Variants in GRM7 observed in about 807,000 individuals in gnomAD.
The protein encoded by GRM7 is metabotropic glutamate receptor 7.
A neutral mutation model predicts 84.5 loss-of-function variants in GRM7; 35 were observed. That is an observed-to-expected ratio of 0.41 (90% CI 0.32 to 0.55). The LOEUF (loss-of-function observed/expected upper bound fraction) is 0.55, where lower values mean the gene tolerates loss of function less well. Ranked by LOEUF, GRM7 falls within the 20% of genes least tolerant of loss-of-function variation. The pLI is 0.19. For missense variants in GRM7, 1,003 were observed against 1,194.6 expected (o/e 0.84, Z 2.36); for synonymous variants, 487 against 455.1 (o/e 1.07, Z -0.89).
At chr3:7,714,544 T>C (rs1701707632) in intron 9 of GRM7, among the ~76,000 whole-genome samples, 2 of 152,198 alleles carry the variant, frequency 1.3e-5, no homozygotes, top group African/African-American at 4.8e-5. Context: ...TTAGGTTCCA[T>C]TGCAGATTGA....
At chr3:7,051,497 A>C (rs992994665) in intron 1 of GRM7, among the ~76,000 whole-genome samples, 1 of 151,838 alleles carries the variant, frequency 6.6e-6, no homozygotes, top group Non-Finnish European at 1.5e-5. Flanking sequence ...TCTCCAGTCT[A>C]AAGAGACTCT....
At chr3:7,468,999 C>G (rs1396816874) in intron 7 of GRM7, among the ~76,000 whole-genome samples, 1 of 152,186 alleles carries the variant, frequency 6.6e-6, no homozygotes, top group Non-Finnish European at 1.5e-5. Flanking sequence ...CTCAAAACGT[C>G]AATTACTAGC....
intron 8 of GRM7, among the ~76,000 whole-genome samples, chr3:7,675,077 G>C (rs552709820): frequency 1.2e-3 from 176 of 152,290 alleles, no homozygotes; most frequent in African/African-American, 4.0e-3. Flanking sequence ...ATAGATAAAA[G>C]TGGTGATTCA....
chr3:6,982,939 C>T (rs1029978417), intron 1 of GRM7, among the ~76,000 whole-genome samples: 2 of 152,166 alleles, frequency 1.3e-5, no homozygotes, highest in Non-Finnish European at 2.9e-5. Flanking sequence ...CTATTAAAAG[C>T]ACTCACGTTG....
intron 5 of GRM7, among the ~76,000 whole-genome samples, chr3:7,426,682 A>G (rs1366340404): frequency 6.6e-6 from 1 of 152,160 alleles, no homozygotes; most frequent in South Asian, 2.1e-4. Flanking sequence ...TATGAGGTGA[A>G]TGTCTCTCTC....
chr3:6,975,180 C>A (rs779045760), intron 1 of GRM7, among the ~76,000 whole-genome samples: 9 of 152,040 alleles, frequency 5.9e-5, no homozygotes, highest in Non-Finnish European at 1.2e-4. Context: ...CTCCTGAGGT[C>A]TTCTATTTTC....
intron 2 of GRM7, among the ~76,000 whole-genome samples, chr3:7,285,468 C>G (rs973546145): frequency 6.6e-6 from 1 of 152,048 alleles, no homozygotes; most frequent in Non-Finnish European, 1.5e-5. Flanking sequence ...GGGCCTAATA[C>G]GTAGTAAACC....
At chr3:7,634,497 AAAAAAG>A (rs1470375716) in intron 8 of GRM7, among the ~76,000 whole-genome samples, 2,142 of 92,316 alleles carry the variant, frequency 0.023, 36 homozygotes, top group Non-Finnish European at 0.041. Flanking sequence ...AAAAAAAAAA[AAAAAAG>A]GGCTGGGCTC....
chr3:7,540,744 T>C (rs1045050448), intron 7 of GRM7, among the ~76,000 whole-genome samples: 5 of 152,190 alleles, frequency 3.3e-5, no homozygotes, highest in African/African-American at 1.2e-4. Flanking sequence ...TACAAAAAGA[T>C]ATGTAAAGAA....
chr3:6,906,187 A>C (rs769763386), intron 1 of GRM7, among the ~76,000 whole-genome samples: 3 of 152,116 alleles, frequency 2.0e-5, no homozygotes, highest in African/African-American at 7.2e-5. Context: ...TGACTTGGGC[A>C]ATGGGGGCAC....
At chr3:7,565,837 C>T (rs1336313525) in intron 7 of GRM7, among the ~76,000 whole-genome samples, 1 of 152,210 alleles carries the variant, frequency 6.6e-6, no homozygotes, top group African/African-American at 2.4e-5. Flanking sequence ...GATGATTCAA[C>T]TCTCTAAGGA....
intron 7 of GRM7, among the ~76,000 whole-genome samples, chr3:7,505,614 C>T (rs895253474): frequency 6.6e-6 from 1 of 152,226 alleles, no homozygotes; most frequent in Non-Finnish European, 1.5e-5. Context: ...ATTAGAGCCA[C>T]ATGAACACTG....
intron 1 of GRM7, among the ~76,000 whole-genome samples, chr3:6,879,453 C>A (rs2124959347): frequency 6.6e-6 from 1 of 152,298 alleles, no homozygotes; most frequent in South Asian, 2.1e-4. Flanking sequence ...ACACTACACC[C>A]TTACCTGTTC....
intron 1 of GRM7, among the ~76,000 whole-genome samples, chr3:6,904,721 G>T (rs1436092340): frequency 1.3e-5 from 2 of 150,768 alleles, no homozygotes; most frequent in Non-Finnish European, 2.9e-5. Context: ...TTCCTTATGT[G>T]TGTTTTTTTT....
intron 7 of GRM7, among the ~76,000 whole-genome samples, chr3:7,509,750 A>T (rs573481396): frequency 6.6e-6 from 1 of 152,182 alleles, no homozygotes; most frequent in African/African-American, 2.4e-5. Context: ...TGAGTACGTG[A>T]CAAGCGGGGC....
At chr3:7,465,632 T>C (rs1698431803) in intron 7 of GRM7, among the ~76,000 whole-genome samples, 1 of 152,166 alleles carries the variant, frequency 6.6e-6, no homozygotes, top group African/African-American at 2.4e-5. Flanking sequence ...TTTGCTTTCC[T>C]CTAGTCAATG....
chr3:7,369,021 G>C (rs1694025699), intron 4 of GRM7, among the ~76,000 whole-genome samples: 1 of 151,768 alleles, frequency 6.6e-6, no homozygotes, highest in Non-Finnish European at 1.5e-5. Context: ...CTGTCACACT[G>C]TTCTCCCTTT....
intron 8 of GRM7, chr3:7,607,494 C>T (rs374030289): frequency 1.3e-5 from 2 of 152,042 alleles, no homozygotes; most frequent in Non-Finnish European, 2.9e-5. Context: ...TGTCTTAGGA[C>T]AAAACTACTC....
At chr3:7,169,773 G>A (rs190569819) in intron 2 of GRM7, among the ~76,000 whole-genome samples, 10 of 152,212 alleles carry the variant, frequency 6.6e-5, no homozygotes, top group Admixed American at 1.3e-4. Context: ...AAATAGAGAC[G>A]TACTTTTGCC....
Sources: allele counts gnomAD v4.1 joint callset (sites outside exome capture counted in the v4.1 genomes callset), GRCh38; gene constraint gnomAD v4.1.1; transcripts MANE v1.5; gene names NCBI Gene and HGNC (gene_info 2026-07-23, HGNC 2026-07-21).